The following HS6ST1 variants were observed in gnomAD, a reference collection of about 807,000 sequenced individuals.
HS6ST1 encodes heparan-sulfate 6-O-sulfotransferase 1.
Under a neutral mutation model 25.2 loss-of-function variants are expected in HS6ST1, and 3 were observed. The ratio of observed to expected loss-of-function variants is 0.12; its 90% CI spans 0.05 to 0.31. HS6ST1 has a LOEUF of 0.31. Among genes scored for constraint, HS6ST1 ranks in the 10% least tolerant of loss-of-function variants. HS6ST1 has a pLI of 1.00. For synonymous variants in HS6ST1, 204 were observed against 275.1 expected, an observed-to-expected ratio of 0.74 and a Z score of 2.56; for missense variants, 310 against 609.6, an observed-to-expected ratio of 0.51 and a Z score of 5.18.
chr2:128,306,197 G>T (rs1457799916), intron 1 of HS6ST1, among the ~76,000 whole-genome samples: 2 of 152,144 alleles, frequency 1.3e-5, no homozygotes, highest in African/African-American at 4.8e-5. Context: ...GCCCTCCTTT[G>T]TGCCTCCGCT....
chr2:128,291,382 G>A (rs1693950534), intron 1 of HS6ST1, among the ~76,000 whole-genome samples: 1 of 152,278 alleles, frequency 6.6e-6, no homozygotes, highest in Admixed American at 6.5e-5. Context: ...TGAGGTGTGA[G>A]TCCTGGAGGT....
intron 1 of HS6ST1, among the ~76,000 whole-genome samples, chr2:128,278,570 G>A (rs1693731198): frequency 1.3e-5 from 2 of 152,180 alleles, no homozygotes; most frequent in South Asian, 4.1e-4. Context: ...TGCAGGCGGA[G>A]GCCGACGGCA....
intron 1 of HS6ST1, among the ~76,000 whole-genome samples, chr2:128,284,205 G>A (rs1693827188): frequency 6.6e-6 from 1 of 152,176 alleles, no homozygotes; most frequent in Non-Finnish European, 1.5e-5. Context: ...TGCTCAGACA[G>A]GGCAGGGGCA....
intron 1 of HS6ST1, among the ~76,000 whole-genome samples, chr2:128,295,350 C>T (rs556541296): frequency 6.6e-6 from 1 of 152,360 alleles, no homozygotes; most frequent in South Asian, 2.1e-4. Context: ...AAGGCCCTTG[C>T]TCAGGGCCAC....
intron 1 of HS6ST1, among the ~76,000 whole-genome samples, chr2:128,271,876 C>T (rs988265743): frequency 6.6e-6 from 1 of 152,198 alleles, no homozygotes; most frequent in Non-Finnish European, 1.5e-5. Context: ...CAAGCTCGAG[C>T]GGCTGCCACT....
Position 128,268,402 on chromosome 2 carries a change from G to C in HS6ST1, c.996C>G (p.Asp332Glu). The C allele has an allele frequency of 3.7e-6, 6 of 1,613,676 alleles. No individual in the cohort carries two copies. Among genetic ancestry groups the C allele is most frequent in the Non-Finnish European group, 5.1e-6 (6 of 1,179,874 alleles). Residue 332 changes from aspartate to glutamate, a missense_variant, in exon 2 of 2, where the codon GAC becomes GAG. By Grantham distance (45) the Asp-to-Glu change is conservative. Around this residue, in one of 5 missense-constraint regions of HS6ST1, gnomAD observed 140 missense variants for 176.5 expected, o/e 0.79. Coordinates refer to ENST00000259241, the MANE Select transcript of HS6ST1 (RefSeq NM_004807.3). ...TGAGCTCCTCGATGCGCCGGATGGTGTCTTCATCCACCTCCACGCCGCCCG... is the reference window on the plus strand; with the variant it reads ...TGAGCTCCTCGATGCGCCGGATGGTCTCTTCATCCACCTCCACGCCGCCCG... ...TRAGGVEVDE[D>E]TIRRIEELND...
Position 128,311,914 on chromosome 2 carries a change from G to A in HS6ST1, c.527+6123C>T, listed in dbSNP as rs951777943. 2.6e-5 allele frequency among the ~76,000 whole-genome samples: 4 copies of A among 152,338 alleles called. No individual in the cohort carries two copies. The East Asian group carries it at 7.7e-4, about 29-fold the overall frequency. ...GTGGCAGAAGGGGTGGCCACACTGCGCCAGGAGCCAAGCACCGCCATGGGC... is the reference window on the plus strand; with the variant it reads ...GTGGCAGAAGGGGTGGCCACACTGCACCAGGAGCCAAGCACCGCCATGGGC... On this transcript the variant is annotated intron_variant, in intron 1 of 1. Coordinates refer to ENST00000259241, the MANE Select transcript of HS6ST1 (RefSeq NM_004807.3).
In HS6ST1 at chr2:128,296,106, C is replaced by T. The variant is rs1198893935; in HGVS notation, c.527+21931G>A. On this transcript the variant is annotated intron_variant, in intron 1 of 1. Coordinates refer to ENST00000259241, the MANE Select transcript of HS6ST1 (RefSeq NM_004807.3). The stretch of plus-strand genomic sequence containing the variant: ...TACAAGACAGGCAACAAGCCCTCAC[C>T]AGTTCCACATCTGCTGGCTCCTTCA... Among the ~76,000 whole-genome samples, 3 of 152,216 alleles carry T rather than the reference C, an allele frequency of 2.0e-5. No individual in the cohort carries two copies. In the East Asian group the frequency reaches 5.8e-4, roughly 29 times the overall value.
intron 1 of HS6ST1, among the ~76,000 whole-genome samples, chr2:128,277,171 T>C (rs1210694922): frequency 1.3e-5 from 2 of 152,126 alleles, no homozygotes; most frequent in Admixed American, 6.5e-5. Flanking sequence ...ATCTCCCTCA[T>C]TGCTGCCAAC....
intron 1 of HS6ST1, among the ~76,000 whole-genome samples, chr2:128,287,009 C>T (rs545494653): frequency 6.6e-6 from 1 of 152,338 alleles, no homozygotes; most frequent in Non-Finnish European, 1.5e-5. Context: ...AGCAGAGGCC[C>T]CACACTGGGG....
At chr2:128,274,186 T>C (rs1208021313) in intron 1 of HS6ST1, among the ~76,000 whole-genome samples, 1 of 151,900 alleles carries the variant, frequency 6.6e-6, no homozygotes, top group Non-Finnish European at 1.5e-5. Context: ...ATAGAGGAGA[T>C]GATGACAGAA....
chr2:128,285,797 T>G (rs1310076780), intron 1 of HS6ST1, among the ~76,000 whole-genome samples: 1 of 152,136 alleles, frequency 6.6e-6, no homozygotes, highest in South Asian at 2.1e-4. Flanking sequence ...AGGGCCTTTC[T>G]CCACTGATGG....
chr2:128,279,104 G>T (rs1268598861), intron 1 of HS6ST1, among the ~76,000 whole-genome samples: 1 of 150,370 alleles, frequency 6.7e-6, no homozygotes, highest in African/African-American at 2.5e-5. Context: ...CACCAGTCCT[G>T]CTTGCACTGC....
intron 1 of HS6ST1, among the ~76,000 whole-genome samples, chr2:128,296,656 C>T (rs1694043263): frequency 6.6e-6 from 1 of 152,134 alleles, no homozygotes; most frequent in East Asian, 1.9e-4. Context: ...GGAGACTTAA[C>T]CAATGAAGTG....
chr2:128,316,114 T>C (rs1156338949), intron 1 of HS6ST1, among the ~76,000 whole-genome samples: 1 of 152,226 alleles, frequency 6.6e-6, no homozygotes, highest in Non-Finnish European at 1.5e-5. Flanking sequence ...CTTCCTGGTG[T>C]AGCACCTGGG....
chr2:128,275,754 G>A (rs1048610044), intron 1 of HS6ST1, among the ~76,000 whole-genome samples: 6 of 152,132 alleles, frequency 3.9e-5, no homozygotes, highest in Admixed American at 1.3e-4. Context: ...TGAACGAGAC[G>A]GTGAGAACAG....
At chr2:128,293,408 G>C (rs780564261) in intron 1 of HS6ST1, among the ~76,000 whole-genome samples, 15 of 152,374 alleles carry the variant, frequency 9.8e-5, no homozygotes, top group Admixed American at 3.9e-4. Context: ...GCTAGTCTGA[G>C]GAGTAACTGT....
chr2:128,292,729 C>CG (rs1436937295), intron 1 of HS6ST1, among the ~76,000 whole-genome samples: 2 of 102,438 alleles, frequency 2.0e-5, no homozygotes, highest in Non-Finnish European at 3.8e-5. Context: ...GCAAATGGCA[C>CG]GGGGGGAATG....
At chr2:128,293,128 C>T (rs946054931) in intron 1 of HS6ST1, among the ~76,000 whole-genome samples, 2 of 152,182 alleles carry the variant, frequency 1.3e-5, no homozygotes, top group African/African-American at 4.8e-5. Flanking sequence ...CTGGGCCTTG[C>T]TCTGCATGCA....
Sources: gnomAD v4.1 joint callset for allele counts (sites outside exome capture counted in the v4.1 genomes callset) on GRCh38, gnomAD v4.1.1 for gene constraint, gnomAD v4.1.1 regional missense constraint, MANE v1.5 for transcripts, NCBI Gene and HGNC (gene_info 2026-07-23, HGNC 2026-07-21) for gene names.